PTPRN2: variants seen among roughly 807,000 people sequenced by gnomAD.
The protein encoded by PTPRN2 is receptor-type tyrosine-protein phosphatase N2.
In PTPRN2, 74 loss-of-function variants were observed where a neutral mutation model predicts 118.8. The ratio of observed to expected loss-of-function variants is 0.62; its 90% CI spans 0.52 to 0.76. The LOEUF is 0.76. PTPRN2 is among the 30% of genes least tolerant of loss of function. The probability of loss-of-function intolerance (pLI) is 0.00; values close to 1 mark genes in which losing one functional copy is unlikely to be tolerated. For missense variants in PTPRN2, 1,481 were observed against 1,394.4 expected (o/e 1.06, Z -0.99); for synonymous variants, 641 against 608.0 (o/e 1.05, Z -0.80).
intron 3 of PTPRN2, among the ~76,000 whole-genome samples, chr7:158,284,410 T>A (rs1200319415): frequency 6.6e-6 from 1 of 152,222 alleles, no homozygotes; most frequent in Non-Finnish European, 1.5e-5. Flanking sequence ...GCCCTCTTGA[T>A]GCTCTATGAG....
At position 157,773,142 on chromosome 7, in the gene PTPRN2, C is replaced by T. The variant is rs1002058; in HGVS notation, c.1789-90205G>A. Among the ~76,000 whole-genome samples, 805 of 152,324 alleles carry T rather than the reference C, an allele frequency of 5.3e-3. 4 individuals carry two copies. The highest frequency in any genetic ancestry group is 9.0e-3 in the Admixed American group (138 of 15,308). Reference sequence around the variant, plus strand: ...ACAGTTTCCAACCAGCAGCTCATCGCGAGGACCTCGTTCTAGGCACTCGCA... The same window carrying T: ...ACAGTTTCCAACCAGCAGCTCATCGTGAGGACCTCGTTCTAGGCACTCGCA... On this transcript the variant is annotated intron_variant, in intron 12 of 22. Coordinates refer to ENST00000389418, the MANE Select transcript of PTPRN2 (RefSeq NM_002847.5).
chr7:157,771,915 A>G (rs1344201747), intron 12 of PTPRN2, among the ~76,000 whole-genome samples: 11 of 148,018 alleles, frequency 7.4e-5, no homozygotes, highest in Non-Finnish European at 4.5e-5. Flanking sequence ...CACACAGACA[A>G]ACACACAGAG....
intron 9 of PTPRN2, among the ~76,000 whole-genome samples, chr7:158,112,900 C>A (rs1816402688): frequency 6.6e-6 from 1 of 152,076 alleles, no homozygotes. Context: ...ATCATGAATG[C>A]CGAGACCGGG....
chr7:158,475,547 CGGG>C lies in PTPRN2; in HGVS notation c.163+14185_163+14187del, dbSNP rs1447421659. Among the ~76,000 whole-genome samples, 423 of 152,254 alleles carry C rather than the reference CGGG, an allele frequency of 2.8e-3. 3 individuals carry two copies. The highest frequency in any genetic ancestry group is 9.7e-3 in the African/African-American group (402 of 41,546). ...AGAGGAACCCCCAGCAAAACACCCT[CGGG>C]AGGGCACGCCCGCCTCCACCCCCAG... On this transcript the variant is annotated intron_variant, in intron 2 of 22. Transcript: ENST00000389418.
chr7:157,702,841 G>C (rs1001034358), intron 12 of PTPRN2, among the ~76,000 whole-genome samples: 1 of 152,146 alleles, frequency 6.6e-6, no homozygotes, highest in Non-Finnish European at 1.5e-5. Flanking sequence ...CTCTGGCCCC[G>C]CGTCCCTCAG....
At chr7:158,016,164 G>A (rs1806440932) in intron 11 of PTPRN2, among the ~76,000 whole-genome samples, 2 of 152,232 alleles carry the variant, frequency 1.3e-5, no homozygotes, top group Admixed American at 1.3e-4. Flanking sequence ...GATTTCAGGA[G>A]CCCCCTGATG....
chr7:157,757,753 G>T (rs998731664), intron 12 of PTPRN2, among the ~76,000 whole-genome samples: 9 of 151,244 alleles, frequency 6.0e-5, no homozygotes, highest in Non-Finnish European at 1.0e-4. Context: ...AACAGCTTTT[G>T]AAGAACAAGG....
At chr7:158,448,072 G>A (rs976488943) in intron 2 of PTPRN2, among the ~76,000 whole-genome samples, 2 of 152,158 alleles carry the variant, frequency 1.3e-5, no homozygotes, top group Admixed American at 6.5e-5. Flanking sequence ...CCAGCATGGC[G>A]TGCCCCACTC....
chr7:157,802,315 C>A (rs533145822), intron 12 of PTPRN2, among the ~76,000 whole-genome samples: 33 of 152,354 alleles, frequency 2.2e-4, no homozygotes, highest in African/African-American at 7.7e-4. Context: ...AGATTCCACG[C>A]TTCAGCGACG....
chr7:158,007,308 G>A (rs1805697869), intron 11 of PTPRN2, among the ~76,000 whole-genome samples: 1 of 152,188 alleles, frequency 6.6e-6, no homozygotes, highest in African/African-American at 2.4e-5. Context: ...CTGGTGCTGG[G>A]GGTGGGCAGG....
In PTPRN2 at chr7:158,362,046, G is replaced by A. The variant is rs573211939; in HGVS notation, c.164-45114C>T. On this transcript the variant is annotated intron_variant, in intron 2 of 22. Transcript: ENST00000389418. ...CCTCCGTCTGTCTGTCACTCATCCC[G>A]TCCCTGCACCTGTGCTACCATCAAC... Among the ~76,000 whole-genome samples, 352 of 152,166 alleles carry A rather than the reference G, an allele frequency of 2.3e-3. 1 individual carries two copies. The highest frequency in any genetic ancestry group is 3.4e-3 in the Non-Finnish European group (232 of 68,014).
At chr7:157,774,648 C>G (rs1395769339) in intron 12 of PTPRN2, among the ~76,000 whole-genome samples, 1 of 152,160 alleles carries the variant, frequency 6.6e-6, no homozygotes, top group Non-Finnish European at 1.5e-5. Flanking sequence ...AGAGCTGTAA[C>G]TGCGGTTAAG....
At chr7:158,163,805 C>G (rs142100108) in intron 6 of PTPRN2, among the ~76,000 whole-genome samples, 1,743 of 151,852 alleles carry the variant, frequency 0.011, 27 homozygotes, top group South Asian at 0.019. Context: ...GACGCCTGTA[C>G]GGGGTTCTCA....
chr7:158,196,957 C>A (rs894467573), intron 4 of PTPRN2, among the ~76,000 whole-genome samples: 1 of 152,136 alleles, frequency 6.6e-6, no homozygotes, highest in African/African-American at 2.4e-5. Context: ...ACAGCCCAGG[C>A]TCCCTAGGCA....
chr7:158,071,169 T>A (rs1585333287), intron 11 of PTPRN2, among the ~76,000 whole-genome samples: 1 of 11,758 alleles, frequency 8.5e-5, no homozygotes, highest in Non-Finnish European at 1.7e-4. Flanking sequence ...GTGGTGGAGG[T>A]GCTCTTAGTA....
chr7:158,125,562 C>T (rs138693005), intron 9 of PTPRN2, among the ~76,000 whole-genome samples: 230 of 152,302 alleles, frequency 1.5e-3, no homozygotes, highest in Non-Finnish European at 2.6e-3. Context: ...GTTTACCCAT[C>T]GGGGCTATAA....
At chr7:158,118,402 G>A (rs989612911) in intron 9 of PTPRN2, among the ~76,000 whole-genome samples, 6 of 151,970 alleles carry the variant, frequency 3.9e-5, no homozygotes, top group African/African-American at 1.2e-4. Flanking sequence ...TACATAATAC[G>A]TACAAAAAGA....
At chr7:158,016,775 GT>G (rs575487863) in intron 11 of PTPRN2, among the ~76,000 whole-genome samples, 93 of 152,174 alleles carry the variant, frequency 6.1e-4, no homozygotes, top group Middle Eastern at 3.4e-3. Flanking sequence ...TACCAATTAG[GT>G]TTTTTTTATG....
chr7:157,720,609 G>A (rs567497910), intron 12 of PTPRN2, among the ~76,000 whole-genome samples: 34 of 152,386 alleles, frequency 2.2e-4, no homozygotes, highest in South Asian at 2.1e-4. Context: ...AGGGAGTCAC[G>A]TGAATCATGT....
Sources: gnomAD v4.1 joint callset for allele counts (sites outside exome capture counted in the v4.1 genomes callset) on GRCh38, gnomAD v4.1.1 for gene constraint, MANE v1.5 for transcripts, NCBI Gene and HGNC (gene_info 2026-07-23, HGNC 2026-07-21) for gene names.